KIF1B: variants seen among roughly 807,000 people sequenced by gnomAD.
KIF1B encodes the protein kinesin family member 1B.
KIF1B carries 76 observed loss-of-function variants against 241.9 expected under a neutral mutation model. That is an observed-to-expected ratio of 0.31 (90% confidence interval 0.26 to 0.38). The LOEUF is 0.38. KIF1B is among the 10% of genes least tolerant of loss of function. The probability of loss-of-function intolerance (pLI) is 1.00; values close to 1 mark genes in which losing one functional copy is unlikely to be tolerated. For synonymous variants in KIF1B, 750 were observed against 796.7 expected, an observed-to-expected ratio of 0.94 and a Z score of 0.99; for missense variants, 1,622 against 2,271.4, an observed-to-expected ratio of 0.71 and a Z score of 5.81.
rs765236286 is a variant in KIF1B, at chr1:10,315,171, CTTTTTTTTTTTTTTT to C, written c.2116-4860_2116-4846del. ...CTTATCTCTTAAAATCAAGAATATT[CTTTTTTTTTTTTTTT>C]TTTTTTTTTTTAAGACGGAGTCTCA... On this transcript the variant is annotated intron_variant, in intron 22 of 48. Coordinates refer to ENST00000676179, the MANE Select transcript of KIF1B (RefSeq NM_001365951.3). Among the ~76,000 whole-genome samples, 7 of 80,042 alleles carry C rather than the reference CTTTTTTTTTTTTTTT, an allele frequency of 8.7e-5. 1 individual carries two copies. Among genetic ancestry groups the C allele is most frequent in the African/African-American group, 3.7e-4 (7 of 19,118 alleles). 52.5% of individuals were successfully genotyped at this position (80,042 alleles called of 152,430 possible).
chr1:10,347,438 TAAAA>T (rs965328750), intron 35 of KIF1B, among the ~76,000 whole-genome samples: 1 of 152,092 alleles, frequency 6.6e-6, no homozygotes, highest in Non-Finnish European at 1.5e-5. Context: ...TTCTGAATCT[TAAAA>T]AAAACTATAG....
At position 10,381,223 on chromosome 1, in the gene KIF1B, G is replaced by T. The variant is rs1176194124; in HGVS notation, c.*4636G>T. On this transcript the variant is annotated 3_prime_UTR_variant, in exon 49 of 49. Coordinates refer to ENST00000676179, the MANE Select transcript of KIF1B (RefSeq NM_001365951.3). ...TCGTCTTAGACTTTGTGGCTCTAAAGTACCTGTCTGTTGAGATTTCAAGTC... is the reference window on the plus strand; with the variant it reads ...TCGTCTTAGACTTTGTGGCTCTAAATTACCTGTCTGTTGAGATTTCAAGTC... 4 of 222,924 alleles carry T rather than the reference G, an allele frequency of 1.8e-5. No homozygotes were observed. The highest frequency in any genetic ancestry group is 3.6e-5 in the Non-Finnish European group (4 of 111,438). 13.8% of individuals were successfully genotyped at this position (222,924 alleles called of 1,614,324 possible).
At chr1:10,373,488 GC>G (rs1638802563) in intron 45 of KIF1B, among the ~76,000 whole-genome samples, 1 of 150,052 alleles carries the variant, frequency 6.7e-6, no homozygotes. Context: ...GCCTACCTCG[GC>G]CTCCCAAAGT....
At chr1:10,325,387 A>G (rs1004627157) in intron 26 of KIF1B, among the ~76,000 whole-genome samples, 1 of 152,158 alleles carries the variant, frequency 6.6e-6, no homozygotes, top group Non-Finnish European at 1.5e-5. Context: ...GCACTTAATG[A>G]AAACACATAG....
intron 14 of KIF1B, among the ~76,000 whole-genome samples, chr1:10,279,577 C>T (rs1241172066): frequency 6.6e-6 from 1 of 151,394 alleles, no homozygotes; most frequent in Non-Finnish European, 1.5e-5. Context: ...GTCAGCAAAA[C>T]TATCTATGAT....
At chr1:10,341,814 G>C (rs1652402613) in intron 32 of KIF1B, among the ~76,000 whole-genome samples, 1 of 152,010 alleles carries the variant, frequency 6.6e-6, no homozygotes, top group African/African-American at 2.4e-5. Context: ...ACAAAAAATT[G>C]TTTTAAATTA....
In KIF1B at chr1:10,304,275, C is replaced by T. The variant is rs748786088; in HGVS notation, c.2115+7029C>T. ...CTCAAGGAATGAGAAGTCAAGATCA[C>T]ATCCAAGTTAGCAAGCAGCACATTA... is the stretch of plus-strand genomic sequence containing the variant. On this transcript the variant is annotated intron_variant, in intron 22 of 48. Transcript: ENST00000676179. The T allele has an allele frequency of 3.1e-6, 5 of 1,614,190 alleles. No individual in the cohort carries two copies. The Admixed American group carries it at 6.7e-5, about 22-fold the overall frequency.
chr1:10,375,786 G>GTT (rs201620952), intron 48 of KIF1B, among the ~76,000 whole-genome samples: 1,174 of 69,460 alleles, frequency 0.017, no homozygotes, highest in East Asian at 0.025. Flanking sequence ...TTCTTTTCTT[G>GTT]TTTTTTTTTT....
Position 10,317,349 on chromosome 1 carries a change from C to T in KIF1B, c.2116-2694C>T, listed in dbSNP as rs140027545. 4.2e-3 allele frequency among the ~76,000 whole-genome samples: 633 copies of T among 150,838 alleles called. 31 individuals carry two copies. Among genetic ancestry groups the T allele is most frequent in the African/African-American group, 0.015 (600 of 40,668 alleles). ...GGGATCCTGTGTCCTTTTGAAATGG[C>T]CCCAGTGGTGTTTGAGTTCTTCCAT... On this transcript the variant is annotated intron_variant, in intron 22 of 48. Coordinates refer to ENST00000676179, the MANE Select transcript of KIF1B (RefSeq NM_001365951.3).
chr1:10,236,423 T>G (rs1295328914), intron 2 of KIF1B, among the ~76,000 whole-genome samples: 2 of 152,238 alleles, frequency 1.3e-5, no homozygotes, highest in Non-Finnish European at 2.9e-5. Flanking sequence ...AACACATTGT[T>G]TCCCTGCATG....
At chr1:10,370,593 T>TAAGAAGAAGAAG (rs70997223) in intron 44 of KIF1B, among the ~76,000 whole-genome samples, 24 of 141,378 alleles carry the variant, frequency 1.7e-4, no homozygotes, top group African/African-American at 6.1e-4. Context: ...ATAATAATAA[T>TAAGAAGAAGAAG]AAGAAGAAGA....
chr1:10,350,924 C>T (rs2102332726), intron 37 of KIF1B, among the ~76,000 whole-genome samples: 1 of 152,156 alleles, frequency 6.6e-6, no homozygotes, highest in East Asian at 1.9e-4. Flanking sequence ...TGGCAAAACC[C>T]TGTCTCTCTA....
chr1:10,276,255 G>T lies in KIF1B; in HGVS notation c.959-66G>T. On this transcript the variant is annotated intron_variant, in intron 11 of 48. Coordinates refer to ENST00000676179, the MANE Select transcript of KIF1B (RefSeq NM_001365951.3). ...GATCTGAGATTACAATATCAGATTT[G>T]ACACATTCCATAAAATTTTTCTTCT... 3 of 1,001,242 alleles carry T rather than the reference G, an allele frequency of 3.0e-6. No homozygotes were observed. In the South Asian group the frequency reaches 3.9e-5, roughly 13 times the overall value. The allele number at this position is 1,001,242 out of a possible 1,614,324, so 62.0% of individuals were successfully genotyped here.
chr1:10,326,262 G>A lies in KIF1B; in HGVS notation c.2827G>A (p.Ala943Thr), dbSNP rs142567076. 1.3e-4 allele frequency: 205 copies of A among 1,614,038 alleles called. No homozygotes were observed. In the Admixed American group the frequency reaches 1.4e-3, roughly 11 times the overall value. Residue 943 changes from alanine (A) to threonine (T), a missense_variant, in exon 27 of 49, where the codon GCC becomes ACC. Physicochemically the swap from Ala to Thr is moderately conservative, Grantham distance 58. This residue lies in a region of KIF1B where 803 missense variants were observed against 1,112.0 expected (regional missense o/e 0.72). Coordinates refer to ENST00000676179, the MANE Select transcript of KIF1B (RefSeq NM_001365951.3). This position sits in a 1 kb window ranked among gnomAD's most constrained non-coding sequence, Gnocchi z 5.2. The part of the protein sequence containing the change: ...DFDDEAFVDD[A>T]GSDAGTEEGS... ...TGATGATGAGGCATTCGTGGATGAC[G>A]CCGGCTCTGACGCAGGGACGGAGGA...
chr1:10,274,557 A>T (rs1039763317), intron 10 of KIF1B, among the ~76,000 whole-genome samples: 1 of 152,150 alleles, frequency 6.6e-6, no homozygotes, highest in Non-Finnish European at 1.5e-5. Flanking sequence ...TTTCAAAGAG[A>T]CCAAATAAAT....
At chr1:10,364,599 A>G (rs528269632) in intron 41 of KIF1B, among the ~76,000 whole-genome samples, 3 of 152,332 alleles carry the variant, frequency 2.0e-5, no homozygotes, top group Non-Finnish European at 4.4e-5. Context: ...CCCAGTCTTC[A>G]TAATTATCAA....
At chr1:10,229,919 G>A (rs1243612471) in intron 1 of KIF1B, among the ~76,000 whole-genome samples, 2 of 148,874 alleles carry the variant, frequency 1.3e-5, no homozygotes, top group Non-Finnish European at 3.0e-5. Flanking sequence ...GGGGCCAGAC[G>A]TGGTGGCTCA....
At chr1:10,256,388 TC>T in intron 3 of KIF1B, 65 bp downstream of exon 3, 1 of 1,136,294 alleles carries the variant, frequency 8.8e-7, no homozygotes, top group Non-Finnish European at 1.3e-6. Flanking sequence ...TGCCGATTTG[TC>T]TTTTCTCTTA....
chr1:10,305,443 A>G, intron 22 of KIF1B: 1 of 1,058,212 alleles, frequency 9.4e-7, no homozygotes, highest in Non-Finnish European at 1.1e-6. Flanking sequence ...ATTCACCAAA[A>G]TCATGCCAAC....
Sources: allele counts gnomAD v4.1 joint callset (sites outside exome capture counted in the v4.1 genomes callset), GRCh38; gene constraint gnomAD v4.1.1; regional missense constraint gnomAD v4.1.1; non-coding constraint Gnocchi (gnomAD v3.1); transcripts MANE v1.5; gene names NCBI Gene and HGNC (gene_info 2026-07-23, HGNC 2026-07-21).